Variants in RIMS1 observed in about 807,000 individuals in gnomAD.
RIMS1 encodes the protein regulating synaptic membrane exocytosis 1.
In RIMS1, 83 loss-of-function variants were observed where a neutral mutation model predicts 214.1. That is an observed-to-expected ratio of 0.39 (90% CI 0.32 to 0.47). The LOEUF (loss-of-function observed/expected upper bound fraction) is 0.47, where lower values mean the gene tolerates loss of function less well. Among genes scored for constraint, RIMS1 ranks in the 20% least tolerant of loss-of-function variants. RIMS1 has a pLI of 0.99. For missense variants in RIMS1, 2,050 were observed against 2,161.8 expected, an observed-to-expected ratio of 0.95 and a Z score of 1.03; for synonymous variants, 793 against 786.8, an observed-to-expected ratio of 1.01 and a Z score of -0.13.
chr6:72,399,907 A>G (rs369820433), intron 33 of RIMS1, among the ~76,000 whole-genome samples: 93 of 152,292 alleles, frequency 6.1e-4, no homozygotes, highest in African/African-American at 2.1e-3. Flanking sequence ...ATTTTTAATG[A>G]TCTAATTGAA....
chr6:72,012,332 G>A (rs911896918), intron 2 of RIMS1, among the ~76,000 whole-genome samples: 3 of 152,164 alleles, frequency 2.0e-5, no homozygotes, highest in Non-Finnish European at 4.4e-5. Context: ...CCCTGTTGTA[G>A]GGTGGGGGAA....
chr6:72,261,474 CT>C, intron 19 of RIMS1: 1 of 968,768 alleles, frequency 1.0e-6, no homozygotes, highest in Non-Finnish European at 1.2e-6. Flanking sequence ...CTCATTACAT[CT>C]TTAATTTCAT....
At chr6:72,024,275 C>G (rs376044497) in intron 2 of RIMS1, among the ~76,000 whole-genome samples, 2 of 152,058 alleles carry the variant, frequency 1.3e-5, no homozygotes, top group Non-Finnish European at 2.9e-5. Flanking sequence ...TAGGGTTTCT[C>G]TACAAATTCT....
chr6:72,219,171 A>G (rs1053358146), intron 6 of RIMS1, among the ~76,000 whole-genome samples: 4 of 152,178 alleles, frequency 2.6e-5, no homozygotes, highest in African/African-American at 9.7e-5. Flanking sequence ...TGCCATTCTC[A>G]ATTTTCTAAG....
chr6:72,319,967 G>A (rs553157011), intron 28 of RIMS1, among the ~76,000 whole-genome samples: 3 of 152,004 alleles, frequency 2.0e-5, no homozygotes, highest in African/African-American at 7.2e-5. Context: ...CTGCATACAT[G>A]GTATGAAGTA....
intron 6 of RIMS1, among the ~76,000 whole-genome samples, chr6:72,218,304 G>A (rs2057107867): frequency 6.6e-6 from 1 of 152,082 alleles, no homozygotes; most frequent in Non-Finnish European, 1.5e-5. Context: ...CCAGGGACAA[G>A]GGCTGTCCTC....
At chr6:72,204,440 T>C (rs963874650) in intron 6 of RIMS1, among the ~76,000 whole-genome samples, 14 of 152,350 alleles carry the variant, frequency 9.2e-5, no homozygotes, top group African/African-American at 2.9e-4. Flanking sequence ...TCTAGAACTC[T>C]GTTCTTCCTG....
chr6:72,348,906 A>G (rs1249893417), intron 29 of RIMS1, among the ~76,000 whole-genome samples: 2 of 152,136 alleles, frequency 1.3e-5, no homozygotes, highest in African/African-American at 2.4e-5. Context: ...ATCCTTTTAT[A>G]TCATTTATAA....
chr6:71,970,304 A>AT (rs1288608092), intron 2 of RIMS1, among the ~76,000 whole-genome samples: 2 of 152,180 alleles, frequency 1.3e-5, no homozygotes, highest in African/African-American at 4.8e-5. Flanking sequence ...ATGTAAAGCC[A>AT]TTTTTGTATG....
chr6:72,175,025 C>A (rs1440484017), intron 4 of RIMS1, among the ~76,000 whole-genome samples: 1 of 151,500 alleles, frequency 6.6e-6, no homozygotes, highest in Non-Finnish European at 1.5e-5. Flanking sequence ...CTCATTTATT[C>A]TGACATCTAC....
Position 72,258,214 on chromosome 6 carries a change from G to C in RIMS1, c.2860G>C (p.Val954Leu). The change falls in exon 17 of 34, where the codon GTA (valine) becomes CTA (leucine). Residue 954 changes from valine (V) to leucine (L), a missense_variant. Physicochemically the swap from Val to Leu is conservative, Grantham distance 32. Coordinates refer to ENST00000521978, the MANE Select transcript of RIMS1 (RefSeq NM_014989.7). ...QRTTHHRSRS[V>L]SPHRGNDQGK... Reference sequence around the variant, plus strand: ...AACAACTCATCACCGCTCACGTTCAGTATCTCCTCATCGCGGCAATGATCA... The same window carrying C: ...AACAACTCATCACCGCTCACGTTCACTATCTCCTCATCGCGGCAATGATCA... 1 of 1,613,456 alleles carries C rather than the reference G, an allele frequency of 6.2e-7. No homozygotes were observed. The highest frequency in any genetic ancestry group is 1.1e-5 in the South Asian group (1 of 91,060).
intron 1 of RIMS1, among the ~76,000 whole-genome samples, chr6:71,919,118 A>G (rs187715385): frequency 6.6e-6 from 1 of 152,228 alleles, no homozygotes; most frequent in Non-Finnish European, 1.5e-5. Flanking sequence ...GTTTGGGGAA[A>G]AGAGTCAAGT....
chr6:72,189,906 C>T (rs913627963), intron 6 of RIMS1, among the ~76,000 whole-genome samples: 2 of 152,222 alleles, frequency 1.3e-5, no homozygotes, highest in Non-Finnish European at 2.9e-5. Flanking sequence ...ATATGGGATA[C>T]AAATATCTTC....
intron 8 of RIMS1, 131 bp downstream of exon 8, chr6:72,235,859 ATATGT>A: frequency 2.5e-6 from 1 of 403,172 alleles, no homozygotes; most frequent in Non-Finnish European, 4.3e-6. Context: ...TAGCATATAG[ATATGT>A]TAGGAAAATT....
At chr6:72,167,253 A>T (rs1004308496) in intron 4 of RIMS1, among the ~76,000 whole-genome samples, 4 of 151,908 alleles carry the variant, frequency 2.6e-5, no homozygotes, top group African/African-American at 9.7e-5. Context: ...ATATATTTCC[A>T]TTGCTAGGAT....
chr6:72,041,460 A>G (rs370611992), intron 2 of RIMS1, among the ~76,000 whole-genome samples: 1 of 151,958 alleles, frequency 6.6e-6, no homozygotes, highest in East Asian at 1.9e-4. Flanking sequence ...GAGGATGCTT[A>G]TCTATTAAAA....
chr6:72,150,787 A>T (rs2043444799), intron 4 of RIMS1, among the ~76,000 whole-genome samples: 1 of 152,122 alleles, frequency 6.6e-6, no homozygotes, highest in Non-Finnish European at 1.5e-5. Flanking sequence ...TCTACTTTTC[A>T]GGCTTCCCCT....
At chr6:72,082,690 A>G (rs1485283650) in intron 2 of RIMS1, among the ~76,000 whole-genome samples, 4 of 152,178 alleles carry the variant, frequency 2.6e-5, no homozygotes, top group African/African-American at 7.2e-5. Flanking sequence ...TAGGAGCGGC[A>G]TATCTTCATT....
chr6:72,394,466 G>A (rs1004134413), intron 31 of RIMS1, among the ~76,000 whole-genome samples: 1 of 152,020 alleles, frequency 6.6e-6, no homozygotes, highest in African/African-American at 2.4e-5. Context: ...AGTAGGGGTA[G>A]GAAGGCAGTG....
Sources: gnomAD v4.1 joint callset for allele counts (sites outside exome capture counted in the v4.1 genomes callset) on GRCh38, gnomAD v4.1.1 for gene constraint, MANE v1.5 for transcripts, NCBI Gene and HGNC (gene_info 2026-07-23, HGNC 2026-07-21) for gene names.